The following PPIG variants were observed in gnomAD, a reference collection of about 807,000 sequenced individuals.
PPIG encodes peptidyl-prolyl cis-trans isomerase G.
PPIG carries 26 observed loss-of-function variants against 87.9 expected under a neutral mutation model. The ratio of observed to expected loss-of-function variants is 0.30; its 90% CI spans 0.22 to 0.41. The LOEUF (loss-of-function observed/expected upper bound fraction) is 0.41. Ranked by LOEUF, PPIG falls within the 10% of genes least tolerant of loss-of-function variation. PPIG has a pLI of 1.00. For synonymous variants in PPIG, 308 were observed against 276.5 expected (o/e 1.11, Z -1.13); for missense variants, 722 against 879.4 (o/e 0.82, Z 2.26).
Position 169,589,431 on chromosome 2 carries a change from A to G in PPIG, c.-70+4941A>G, listed in dbSNP as rs139131500. 1.2e-4 allele frequency among the ~76,000 whole-genome samples: 19 copies of G among 152,318 alleles called. No individual in the cohort carries two copies. The East Asian group carries it at 2.5e-3, about 20-fold the overall frequency. On this transcript the variant is annotated intron_variant, in intron 1 of 13. Coordinates refer to ENST00000260970, the MANE Select transcript of PPIG (RefSeq NM_004792.3). Reference sequence around the variant, plus strand: ...TTCGTTTCTCATTTGATCTATATGAACTACATTAAGAGTAGGCTAAAGAGG... The same window carrying G: ...TTCGTTTCTCATTTGATCTATATGAGCTACATTAAGAGTAGGCTAAAGAGG...
At chr2:169,598,384 G>A (rs139843476) in intron 1 of PPIG, among the ~76,000 whole-genome samples, 5,206 of 151,972 alleles carry the variant, frequency 0.034, 290 homozygotes, top group African/African-American at 0.12. Flanking sequence ...TCTGCCTCCC[G>A]GGTTCACACC....
intron 5 of PPIG, among the ~76,000 whole-genome samples, 168 bp from the exon 6 acceptor site, chr2:169,606,935 AT>A (rs1323896266): frequency 4.6e-5 from 7 of 152,170 alleles, no homozygotes; most frequent in Admixed American, 2.0e-4. Flanking sequence ...AAAGAAAGTA[AT>A]TTGGGACCTT....
At chr2:169,627,468 G>A (rs1028894414) in intron 9 of PPIG, among the ~76,000 whole-genome samples, 1 of 152,164 alleles carries the variant, frequency 6.6e-6, no homozygotes, top group Admixed American at 6.5e-5. Context: ...TTAAATAATT[G>A]TTTATGAAAT....
At chr2:169,598,005 T>C (rs1685070429) in intron 1 of PPIG, among the ~76,000 whole-genome samples, 1 of 49,886 alleles carries the variant, frequency 2.0e-5, no homozygotes, top group African/African-American at 5.3e-5. Flanking sequence ...CTGGGCAACC[T>C]TTTTTTTTTT....
At chr2:169,614,234 G>A (rs2683442) in intron 7 of PPIG, among the ~76,000 whole-genome samples, 61,351 of 151,992 alleles carry the variant, frequency 0.4, 13,019 homozygotes, top group East Asian at 0.58. Flanking sequence ...TCAGCAGTAA[G>A]TAGATATTGC....
At chr2:169,602,509 T>G (rs748227842) in intron 1 of PPIG, among the ~76,000 whole-genome samples, 3 of 152,106 alleles carry the variant, frequency 2.0e-5, no homozygotes, top group Non-Finnish European at 4.4e-5. Context: ...AGAGATAGGG[T>G]TTCACTATGT....
intron 11 of PPIG, 88 bp from the exon 12 acceptor site, chr2:169,633,072 G>A (rs1294252063): frequency 1.2e-5 from 12 of 1,017,750 alleles, no homozygotes; most frequent in Middle Eastern, 3.1e-4. Context: ...CACCGCACCC[G>A]GCCCAGATTC....
intron 9 of PPIG, among the ~76,000 whole-genome samples, chr2:169,616,003 C>A (rs1487149171): frequency 6.6e-6 from 1 of 152,148 alleles, no homozygotes; most frequent in East Asian, 1.9e-4. Flanking sequence ...CCCTAGACCC[C>A]CTACCTGCAG....
rs562003600 is a variant in PPIG at position 169,616,292 on chromosome 2, G to A, written c.547+1568G>A. ...GTTCCAGGTCTTTGTATTTTGAATA[G>A]TGCTGCAGTAAACATATGTGTGCAT... On this transcript the variant is annotated intron_variant, in intron 9 of 13. Coordinates refer to ENST00000260970, the MANE Select transcript of PPIG (RefSeq NM_004792.3). Among the ~76,000 whole-genome samples the A allele has an allele frequency of 7.9e-5, 12 of 152,212 alleles. No homozygotes were observed. The South Asian group carries it at 2.5e-3, about 32-fold the overall frequency.
At chr2:169,618,169 A>T (rs918482884) in intron 9 of PPIG, among the ~76,000 whole-genome samples, 1 of 152,178 alleles carries the variant, frequency 6.6e-6, no homozygotes, top group Non-Finnish European at 1.5e-5. Flanking sequence ...TGATTTATGT[A>T]TGTTGAACCA....
intron 4 of PPIG, among the ~76,000 whole-genome samples, chr2:169,605,660 G>A (rs1355850103): frequency 6.6e-6 from 1 of 151,328 alleles, no homozygotes; most frequent in Non-Finnish European, 1.5e-5. Context: ...TTAGCCGGGT[G>A]TGGTGACAGG....
intron 1 of PPIG, among the ~76,000 whole-genome samples, chr2:169,588,227 G>A (rs926909294): frequency 6.6e-6 from 1 of 151,904 alleles, no homozygotes; most frequent in Non-Finnish European, 1.5e-5. Context: ...AATGAACGAA[G>A]CATATTCGTG....
chr2:169,608,530 C>T (rs550201284), intron 6 of PPIG, 141 bp from the exon 7 acceptor site: 1 of 494,314 alleles, frequency 2.0e-6, no homozygotes, highest in East Asian at 3.8e-5. Context: ...ATATTTGATT[C>T]TCTTCTTTCA....
intron 9 of PPIG, among the ~76,000 whole-genome samples, chr2:169,620,387 C>T (rs944575333): frequency 6.6e-6 from 1 of 151,798 alleles, no homozygotes; most frequent in Non-Finnish European, 1.5e-5. Context: ...ACTGTTTTAT[C>T]CTACTTCTCA....
intron 10 of PPIG, 108 bp downstream of exon 10, chr2:169,631,095 T>A (rs1159157670): frequency 1.9e-6 from 2 of 1,031,952 alleles, no homozygotes; most frequent in Non-Finnish European, 2.8e-6. Flanking sequence ...GTGAGAAATA[T>A]AGCATGGAGC....
rs748495981 is a variant in PPIG, at chr2:169,614,421, C to T, written c.378-43C>T. The T allele has an allele frequency of 4.7e-6, 7 of 1,486,356 alleles. No individual in the cohort carries two copies. The African/African-American group carries it at 8.6e-5, about 18-fold the overall frequency. 92.1% of individuals were successfully genotyped at this position (1,486,356 alleles called of 1,614,324 possible). On this transcript the variant is annotated intron_variant, in intron 7 of 13. Coordinates refer to ENST00000260970, the MANE Select transcript of PPIG (RefSeq NM_004792.3). Reference sequence around the variant, plus strand: ...TTTTAGAGATGCTAACTTTGTTTTTCTCTGACTTTGTTTTTATTCTTCTAT... The same window carrying T: ...TTTTAGAGATGCTAACTTTGTTTTTTTCTGACTTTGTTTTTATTCTTCTAT...
rs772536957 is a variant in PPIG, at chr2:169,637,400, C to G, written c.2142C>G (p.Ile714Met). 1.9e-6 allele frequency: 3 copies of G among 1,612,808 alleles called. No homozygotes were observed. The East Asian group carries it at 6.7e-5, about 36-fold the overall frequency. Residue 714 changes from isoleucine (I) to methionine (M), a missense_variant, in exon 14 of 14, where the codon ATC (isoleucine) becomes ATG (methionine). Physicochemically the swap from Ile to Met is conservative, Grantham distance 10 (BLOSUM62 1). Around this residue, in one of 4 missense-constraint regions of PPIG, gnomAD observed 476 missense variants for 483.1 expected, o/e 0.99. Coordinates refer to ENST00000260970, the MANE Select transcript of PPIG (RefSeq NM_004792.3). ...TGAAAAATAAGGAGGATGAGAAGAT[C>G]AGATCCTCAGTGGAAAAAGAAAACC... is the stretch of plus-strand genomic sequence containing the variant. ...SMLKNKEDEKIRSSVEKENQK... is the reference protein window; with the variant it reads ...SMLKNKEDEKMRSSVEKENQK...
At position 169,640,440 on chromosome 2, in the gene PPIG, T is replaced by C. The variant is rs549138957; in HGVS notation, c.*2917T>C. On this transcript the variant is annotated 3_prime_UTR_variant, in exon 14 of 14. Coordinates refer to ENST00000260970, the MANE Select transcript of PPIG (RefSeq NM_004792.3). ...AGTTAGTATATGTAGCAAGTTAGTA[T>C]GTTTGTTAGTAGTTTATTGTACTTC... The C allele has an allele frequency of 1.3e-5, 2 of 152,330 alleles. No individual in the cohort carries two copies. Among genetic ancestry groups the C allele is most frequent in the Admixed American group, 6.5e-5 (1 of 15,296 alleles). 9.4% of individuals were successfully genotyped at this position (152,330 alleles called of 1,614,324 possible).
chr2:169,631,965 G>T (rs1686066086), intron 11 of PPIG, 32 bp downstream of exon 11: 1 of 1,517,840 alleles, frequency 6.6e-7, no homozygotes, highest in East Asian at 2.4e-5. Context: ...GCCTTACATG[G>T]TTTACCATAG....
Sources: gnomAD v4.1 joint callset for allele counts (sites outside exome capture counted in the v4.1 genomes callset) on GRCh38, gnomAD v4.1.1 for gene constraint, gnomAD v4.1.1 regional missense constraint, MANE v1.5 for transcripts, NCBI Gene and HGNC (gene_info 2026-07-23, HGNC 2026-07-21) for gene names.